Variants in CYSTM1 observed in about 807,000 individuals in gnomAD.
CYSTM1 encodes cysteine-rich transmembrane module-containing protein 1.
CYSTM1 carries 4 observed loss-of-function variants against 13.1 expected under a neutral mutation model. The observed-to-expected ratio is 0.31, with a 90% confidence interval of 0.15 to 0.70. The LOEUF (loss-of-function observed/expected upper bound fraction) is 0.70, where lower values mean the gene tolerates loss of function less well. Ranked by LOEUF, CYSTM1 falls within the 30% of genes least tolerant of loss-of-function variation. The pLI is 0.72. For synonymous variants in CYSTM1, 36 were observed against 42.7 expected (o/e 0.84, Z 0.62); for missense variants, 96 against 121.6 (o/e 0.79, Z 0.99).
intron 2 of CYSTM1, among the ~76,000 whole-genome samples, chr5:140,226,613 A>ATATATATATATATATAG (rs61099181): frequency 1.2e-5 from 1 of 85,322 alleles, no homozygotes; most frequent in Admixed American, 1.6e-4. Context: ...TATATATATA[A>ATATATATATATATATAG]AAATTAGCCA....
At chr5:140,195,110 T>C (rs1280714143) in intron 2 of CYSTM1, among the ~76,000 whole-genome samples, 1 of 152,304 alleles carries the variant, frequency 6.6e-6, no homozygotes, top group East Asian at 1.9e-4. Context: ...AACCTGCCAG[T>C]TGAGTTTTCA....
intron 2 of CYSTM1, among the ~76,000 whole-genome samples, chr5:140,225,242 A>G (rs960741373): frequency 2.0e-5 from 3 of 152,236 alleles, no homozygotes; most frequent in African/African-American, 7.2e-5. Context: ...GTTTTCCTAC[A>G]TAGGTGTCAC....
Position 140,196,027 on chromosome 5 carries a change from T to G in CYSTM1, c.187+1375T>G, listed in dbSNP as rs113721390. Reference sequence around the variant, plus strand: ...ACCATGCACTCTAGCCTGGCGACAGTGAGACTCCATCTCAAAAAAAAAAAA... The same window carrying G: ...ACCATGCACTCTAGCCTGGCGACAGGGAGACTCCATCTCAAAAAAAAAAAA... On this transcript the variant is annotated intron_variant, in intron 2 of 2. Coordinates refer to ENST00000261811, the MANE Select transcript of CYSTM1 (RefSeq NM_032412.4). Among the ~76,000 whole-genome samples the G allele has an allele frequency of 2.6e-5, 3 of 113,806 alleles. No homozygotes were observed. In the East Asian group the frequency reaches 8.0e-4, roughly 30 times the overall value. 74.7% of individuals were successfully genotyped at this position (113,806 alleles called of 152,430 possible).
At chr5:140,201,038 A>T (rs574102155) in intron 2 of CYSTM1, 1 of 152,382 alleles carries the variant, frequency 6.6e-6, no homozygotes, top group African/African-American at 2.4e-5. Flanking sequence ...ATTGCCAAAT[A>T]ATATTCCATT....
intron 1 of CYSTM1, among the ~76,000 whole-genome samples, chr5:140,182,717 G>C (rs1164475611): frequency 6.6e-6 from 1 of 151,736 alleles, no homozygotes; most frequent in Non-Finnish European, 1.5e-5. Context: ...GCTAATGATA[G>C]AAACTGAAGT....
At chr5:140,181,342 C>A (rs1448310292) in intron 1 of CYSTM1, among the ~76,000 whole-genome samples, 1 of 152,164 alleles carries the variant, frequency 6.6e-6, no homozygotes, top group Non-Finnish European at 1.5e-5. Context: ...CCTTTCCTCC[C>A]CAACACCACC....
At chr5:140,226,524 T>C (rs1356449215) in intron 2 of CYSTM1, among the ~76,000 whole-genome samples, 38 of 121,712 alleles carry the variant, frequency 3.1e-4, no homozygotes, top group Admixed American at 1.5e-3. Flanking sequence ...TAATAATATA[T>C]AATATATTTA....
chr5:140,227,135 C>T (rs1174692931), intron 2 of CYSTM1, among the ~76,000 whole-genome samples: 1 of 152,168 alleles, frequency 6.6e-6, no homozygotes, highest in African/African-American at 2.4e-5. Flanking sequence ...AGACCAATGG[C>T]GCCTGCTCCC....
intron 1 of CYSTM1, among the ~76,000 whole-genome samples, chr5:140,184,853 AC>A (rs1205065935): frequency 6.6e-6 from 1 of 152,210 alleles, no homozygotes; most frequent in Non-Finnish European, 1.5e-5. Context: ...AAATGTACCT[AC>A]CAAGTTTAGT....
intron 1 of CYSTM1, among the ~76,000 whole-genome samples, chr5:140,186,044 A>C (rs1019785796): frequency 2.6e-5 from 4 of 152,194 alleles, no homozygotes; most frequent in Non-Finnish European, 5.9e-5. Flanking sequence ...AACTTCCAGC[A>C]TATTCCATCT....
intron 2 of CYSTM1, among the ~76,000 whole-genome samples, chr5:140,223,565 C>T (rs1289177557): frequency 6.6e-6 from 1 of 152,204 alleles, no homozygotes; most frequent in African/African-American, 2.4e-5. Flanking sequence ...CATTTCATTA[C>T]CCTGATGGTT....
At chr5:140,220,792 A>G (rs1183250727) in intron 2 of CYSTM1, among the ~76,000 whole-genome samples, 1 of 152,104 alleles carries the variant, frequency 6.6e-6, no homozygotes, top group Admixed American at 6.5e-5. Context: ...GTGGGCACAC[A>G]GGCAGGCAGA....
At chr5:140,238,646 G>A (rs1339177116) in intron 2 of CYSTM1, among the ~76,000 whole-genome samples, 1 of 152,230 alleles carries the variant, frequency 6.6e-6, no homozygotes, top group Non-Finnish European at 1.5e-5. Flanking sequence ...ATAGCAAGTT[G>A]AGTCTTCTCT....
intron 2 of CYSTM1, among the ~76,000 whole-genome samples, chr5:140,212,270 A>C (rs780916499): frequency 2.6e-4 from 39 of 152,190 alleles, no homozygotes; most frequent in South Asian, 4.1e-4. Context: ...AATGACGGTG[A>C]TCCCATAAGA....
chr5:140,178,305 G>T (rs1763916706), intron 1 of CYSTM1, among the ~76,000 whole-genome samples: 1 of 151,990 alleles, frequency 6.6e-6, no homozygotes, highest in Non-Finnish European at 1.5e-5. Context: ...TTAATGAGAG[G>T]CTTATATGAA....
intron 1 of CYSTM1, among the ~76,000 whole-genome samples, chr5:140,188,593 C>A (rs1439554070): frequency 6.6e-6 from 1 of 151,928 alleles, no homozygotes; most frequent in Non-Finnish European, 1.5e-5. Context: ...AGATCGAGAC[C>A]ACGGTGAAAC....
intron 2 of CYSTM1, among the ~76,000 whole-genome samples, chr5:140,237,047 G>C (rs1310979800): frequency 6.6e-6 from 1 of 152,162 alleles, no homozygotes; most frequent in Non-Finnish European, 1.5e-5. Flanking sequence ...GCCTTGCTCA[G>C]GCTCCTCAGC....
At chr5:140,209,013 TG>T (rs1764331744) in intron 2 of CYSTM1, among the ~76,000 whole-genome samples, 2 of 146,678 alleles carry the variant, frequency 1.4e-5, no homozygotes, top group Admixed American at 1.4e-4. Context: ...CACTCCAGCC[TG>T]GGTGACAGAG....
intron 2 of CYSTM1, among the ~76,000 whole-genome samples, chr5:140,212,084 C>A (rs531187635): frequency 2.6e-5 from 4 of 152,272 alleles, no homozygotes; most frequent in African/African-American, 9.6e-5. Flanking sequence ...CTAGTGATAT[C>A]CCATTTTAGA....
Sources: allele counts gnomAD v4.1 joint callset (sites outside exome capture counted in the v4.1 genomes callset), GRCh38; gene constraint gnomAD v4.1.1; transcripts MANE v1.5; gene names NCBI Gene and HGNC (gene_info 2026-07-23, HGNC 2026-07-21).